Variants in LOXHD1 observed in about 807,000 individuals in gnomAD.
LOXHD1 encodes the protein lipoxygenase homology domain-containing protein 1.
A neutral mutation model predicts 248.2 loss-of-function variants in LOXHD1; 205 were observed. The observed-to-expected ratio is 0.83, with a 90% CI of 0.74 to 0.93. The LOEUF is 0.93. Among genes scored for constraint, LOXHD1 ranks in the 40% least tolerant of loss-of-function variants. LOXHD1 has a pLI of 0.00. For synonymous variants in LOXHD1, 1,113 were observed against 1,162.8 expected (o/e 0.96, Z 0.87); for missense variants, 2,930 against 2,971.6 (o/e 0.99, Z 0.33).
chr18:46,613,507 A>G (rs1284570989), intron 5 of LOXHD1, among the ~76,000 whole-genome samples: 3 of 152,204 alleles, frequency 2.0e-5, no homozygotes, highest in East Asian at 3.9e-4. Flanking sequence ...CAAAAATGAA[A>G]GTCTGTTATT....
At chr18:46,613,903 C>A (rs905673141) in intron 5 of LOXHD1, among the ~76,000 whole-genome samples, 1 of 152,150 alleles carries the variant, frequency 6.6e-6, no homozygotes, top group African/African-American at 2.4e-5. Context: ...TGTCACATAT[C>A]TATATATTTA....
At chr18:46,569,139 G>C (rs1802270896) in intron 16 of LOXHD1, among the ~76,000 whole-genome samples, 1 of 152,082 alleles carries the variant, frequency 6.6e-6, no homozygotes, top group South Asian at 2.1e-4. Context: ...CATTGGTCTT[G>C]GATATGTAGG....
intron 1 of LOXHD1, among the ~76,000 whole-genome samples, chr18:46,655,471 G>A (rs909194610): frequency 1.3e-5 from 2 of 152,234 alleles, no homozygotes; most frequent in South Asian, 2.1e-4. Context: ...CGTGGCTGGG[G>A]AGAATCACCT....
In LOXHD1 at chr18:46,536,482, C is replaced by T. The variant is rs148540294; in HGVS notation, c.4095+1674G>A. 4.1e-3 allele frequency among the ~76,000 whole-genome samples: 627 copies of T among 152,214 alleles called. 9 individuals carry two copies. The highest frequency in any genetic ancestry group is 0.037 in the South Asian group (179 of 4,816). On this transcript the variant is annotated intron_variant, in intron 26 of 40. Coordinates refer to ENST00000642948, the MANE Select transcript of LOXHD1 (RefSeq NM_001384474.1). ...CATTTGTTTCCCAGCTCTCACACTC[C>T]CCCCAAATCCAGAGAGATTTGAAAA...
rs867069460 is a variant in LOXHD1, at chr18:46,572,085, C to T, written c.2047+1G>A. On this transcript the variant is annotated splice_donor_variant, in intron 15 of 40. Coordinates refer to ENST00000642948, the MANE Select transcript of LOXHD1 (RefSeq NM_001384474.1). LOFTEE classifies it high-confidence loss of function. The stretch of plus-strand genomic sequence containing the variant: ...AGCACCTGGTCATCAGGACAACTCA[C>T]TCTTCAGTGTCGCGCTGCTGTCACT... 3 of 1,551,638 alleles carry T rather than the reference C, an allele frequency of 1.9e-6. No individual in the cohort carries two copies. Among genetic ancestry groups the T allele is most frequent in the Admixed American group, 2.0e-5 (1 of 50,994 alleles).
At chr18:46,525,368 G>A (rs2035781787) in intron 29 of LOXHD1, among the ~76,000 whole-genome samples, 1 of 152,146 alleles carries the variant, frequency 6.6e-6, no homozygotes, top group African/African-American at 2.4e-5. Flanking sequence ...CTGAGTAACG[G>A]GAGGGGGTTT....
intron 37 of LOXHD1, among the ~76,000 whole-genome samples, chr18:46,499,946 T>C (rs1432730373): frequency 6.6e-6 from 1 of 152,036 alleles, no homozygotes; most frequent in East Asian, 1.9e-4. Context: ...AACTATGGAG[T>C]AGGGAATTGA....
intron 37 of LOXHD1, among the ~76,000 whole-genome samples, chr18:46,500,238 A>ACT (rs1320595321): frequency 2.9e-4 from 44 of 151,842 alleles, no homozygotes; most frequent in Admixed American, 2.8e-3. Flanking sequence ...TGACTTTACT[A>ACT]CTCTCTCTGC....
Position 46,485,167 on chromosome 18 carries a change from TG to T in LOXHD1, c.6050-17del. Reference sequence around the variant, plus strand: ...ATCTCGTAGGCTGTAATGGAGGAGGTGGGGGAGGGTCAGCACAGGGGAAGCA... The same window carrying T: ...ATCTCGTAGGCTGTAATGGAGGAGGTGGGGAGGGTCAGCACAGGGGAAGCA... On this transcript the variant is annotated splice_polypyrimidine_tract_variant and intron_variant, in intron 38 of 40. Transcript: ENST00000642948. The T allele has an allele frequency of 1.3e-6, 2 of 1,543,212 alleles. No individual in the cohort carries two copies. Among genetic ancestry groups the T allele is most frequent in the Non-Finnish European group, 1.7e-6 (2 of 1,142,854 alleles).
chr18:46,626,006 C>T (rs912277972), intron 4 of LOXHD1, among the ~76,000 whole-genome samples: 46 of 152,298 alleles, frequency 3.0e-4, no homozygotes, highest in African/African-American at 1.1e-3. Context: ...ACCCAGCCTT[C>T]CTGGAGGGCA....
At chr18:46,577,685 C>A (rs1453959418) in intron 14 of LOXHD1, 22 bp downstream of exon 14, 2 of 1,545,680 alleles carry the variant, frequency 1.3e-6, no homozygotes, top group Non-Finnish European at 1.8e-6. Context: ...GGAGAAAACA[C>A]CAGCAGGCAG....
intron 37 of LOXHD1, among the ~76,000 whole-genome samples, chr18:46,505,260 C>T (rs953774093): frequency 1.3e-5 from 2 of 151,978 alleles, no homozygotes; most frequent in Admixed American, 6.5e-5. Context: ...TAGCTCACTG[C>T]AGCCATGACC....
rs370491854 is a variant in LOXHD1 at position 46,594,494 on chromosome 18, G to C, written c.1135-28C>G. ...GGGGAGAGTGGAGCACAGTGTCTCC[G>C]GCATTGAGTCTCCAGTAGGGTCCTC... is the stretch of plus-strand genomic sequence containing the variant. On this transcript the variant is annotated intron_variant, in intron 8 of 40. Coordinates refer to ENST00000642948, the MANE Select transcript of LOXHD1 (RefSeq NM_001384474.1). The C allele has an allele frequency of 6.4e-6, 10 of 1,550,456 alleles. No homozygotes were observed. The African/African-American group carries it at 1.1e-4, about 17-fold the overall frequency.
At chr18:46,523,126 T>C (rs2035660418) in intron 31 of LOXHD1, among the ~76,000 whole-genome samples, 2 of 152,150 alleles carry the variant, frequency 1.3e-5, no homozygotes, top group African/African-American at 4.8e-5. Context: ...TTTGTATTTT[T>C]AGTACAGATG....
chr18:46,504,703 G>A (rs1438770282), intron 37 of LOXHD1, among the ~76,000 whole-genome samples: 10 of 152,164 alleles, frequency 6.6e-5, no homozygotes, highest in East Asian at 1.9e-4. Flanking sequence ...GTTGGGTTTC[G>A]TCAGTGACCG....
chr18:46,548,370 T>A (rs1165462465), intron 21 of LOXHD1, among the ~76,000 whole-genome samples: 1 of 151,946 alleles, frequency 6.6e-6, no homozygotes, highest in African/African-American at 2.4e-5. Context: ...TTTGCTAGAG[T>A]CTTCATTGCC....
chr18:46,607,093 C>T (rs771688422), intron 6 of LOXHD1, among the ~76,000 whole-genome samples: 25 of 151,588 alleles, frequency 1.6e-4, no homozygotes, highest in Non-Finnish European at 2.2e-4. Flanking sequence ...CGCTTGAACC[C>T]GGGAGGCAGA....
chr18:46,599,981 G>A (rs1334227936), intron 8 of LOXHD1, among the ~76,000 whole-genome samples: 1 of 152,096 alleles, frequency 6.6e-6, no homozygotes, highest in Non-Finnish European at 1.5e-5. Context: ...GTAAAATGGT[G>A]CAACTATTTT....
At chr18:46,613,987 A>G (rs762438524) in intron 5 of LOXHD1, among the ~76,000 whole-genome samples, 2 of 152,198 alleles carry the variant, frequency 1.3e-5, no homozygotes, top group Non-Finnish European at 2.9e-5. Context: ...ATCACTGGCC[A>G]TCAGAGAAAT....
Sources: gnomAD v4.1 joint callset for allele counts (sites outside exome capture counted in the v4.1 genomes callset) on GRCh38, gnomAD v4.1.1 for gene constraint, MANE v1.5 for transcripts, NCBI Gene and HGNC (gene_info 2026-07-23, HGNC 2026-07-21) for gene names.